Variants in PIK3AP1 observed in about 807,000 individuals in gnomAD.
PIK3AP1 encodes the protein phosphoinositide 3-kinase adapter protein 1.
In PIK3AP1, 21 loss-of-function variants were observed where a neutral mutation model predicts 88.1. The ratio of observed to expected loss-of-function variants is 0.24; its 90% CI spans 0.17 to 0.34. The LOEUF is 0.34. Among genes scored for constraint, PIK3AP1 ranks in the 10% least tolerant of loss-of-function variants. PIK3AP1 has a pLI of 1.00. For synonymous variants in PIK3AP1, 398 were observed against 400.0 expected, an observed-to-expected ratio of 1.00 and a Z score of 0.06; for missense variants, 828 against 1,035.7, an observed-to-expected ratio of 0.80 and a Z score of 2.75.
At chr10:96,702,474 G>T (rs1045882760) in intron 2 of PIK3AP1, among the ~76,000 whole-genome samples, 7 of 147,594 alleles carry the variant, frequency 4.7e-5, no homozygotes, top group Admixed American at 2.0e-4. Context: ...ACTCCAGCCT[G>T]ATGACAGAGC....
At position 96,680,753 on chromosome 10, in the gene PIK3AP1, A is replaced by G. The variant is rs142134877; in HGVS notation, c.431-23819T>C. 2.4e-3 allele frequency among the ~76,000 whole-genome samples: 372 copies of G among 152,298 alleles called. 1 individual carries two copies. Among genetic ancestry groups the G allele is most frequent in the African/African-American group, 8.6e-3 (359 of 41,560 alleles). ...AGTCTACGTCTTTGGTATTCATACT[A>G]TTGATTGCTTTTTAACAGGTAGTCA... On this transcript the variant is annotated intron_variant, in intron 2 of 16. Coordinates refer to ENST00000339364, the MANE Select transcript of PIK3AP1 (RefSeq NM_152309.3).
chr10:96,700,591 G>A (rs376923861), intron 2 of PIK3AP1, among the ~76,000 whole-genome samples: 2 of 152,124 alleles, frequency 1.3e-5, no homozygotes, highest in South Asian at 2.1e-4. Context: ...AAAAGAAAGC[G>A]TCCTTCAGCA....
chr10:96,637,013 A>G (rs936250672), intron 8 of PIK3AP1, among the ~76,000 whole-genome samples: 1 of 152,248 alleles, frequency 6.6e-6, no homozygotes, highest in African/African-American at 2.4e-5. Context: ...AAGTGAGTAT[A>G]TAACACAGTG....
chr10:96,601,473 C>CA (rs11407501), intron 16 of PIK3AP1, among the ~76,000 whole-genome samples: 13,277 of 75,434 alleles, frequency 0.18, 1,463 homozygotes, highest in African/African-American at 0.25. Context: ...GAATCTATCT[C>CA]AAAAAAAAAA....
At chr10:96,602,196 T>G in intron 16 of PIK3AP1, 84 bp downstream of exon 16, 1 of 1,157,198 alleles carries the variant, frequency 8.6e-7, no homozygotes, top group Non-Finnish European at 1.3e-6. Flanking sequence ...CGCTTATTCT[T>G]TAGTCATCTT....
intron 2 of PIK3AP1, among the ~76,000 whole-genome samples, chr10:96,675,275 A>G (rs751245975): frequency 1.8e-4 from 27 of 152,090 alleles, no homozygotes; most frequent in Non-Finnish European, 3.4e-4. Flanking sequence ...TCTGAGCCCA[A>G]ATGAATAAGA....
intron 2 of PIK3AP1, among the ~76,000 whole-genome samples, chr10:96,704,353 G>T (rs1435599045): frequency 1.3e-5 from 2 of 152,178 alleles, no homozygotes; most frequent in African/African-American, 4.8e-5. Flanking sequence ...CAGAAAGGTG[G>T]CTTAGACCCC....
rs564202283 is a variant in PIK3AP1, at chr10:96,626,983, G to C, written c.1472-78C>G. 2.4e-5 allele frequency: 33 copies of C among 1,379,074 alleles called. No individual in the cohort carries two copies. The African/African-American group carries it at 4.4e-4, about 18-fold the overall frequency. 85.4% of individuals were successfully genotyped at this position (1,379,074 alleles called of 1,614,324 possible). ...TCATCAGTCATAAAGCAGAGTGAGG[G>C]ACCTTACTTTGTTTCCTCAGTGCTG... On this transcript the variant is annotated intron_variant, in intron 9 of 16. Coordinates refer to ENST00000339364, the MANE Select transcript of PIK3AP1 (RefSeq NM_152309.3).
intron 11 of PIK3AP1, among the ~76,000 whole-genome samples, chr10:96,622,797 G>A (rs12571884): frequency 0.34 from 51,931 of 152,098 alleles, 9,638 homozygotes; most frequent in African/African-American, 0.49. Flanking sequence ...TTAATCAAGA[G>A]AAAAGAGCAC....
At chr10:96,660,969 G>A (rs1358609832) in intron 2 of PIK3AP1, among the ~76,000 whole-genome samples, 1 of 152,176 alleles carries the variant, frequency 6.6e-6, no homozygotes, top group Non-Finnish European at 1.5e-5. Flanking sequence ...TGGATCACCT[G>A]AGGTCAGGAG....
At chr10:96,613,385 T>C (rs1849160619) in intron 13 of PIK3AP1, among the ~76,000 whole-genome samples, 1 of 152,132 alleles carries the variant, frequency 6.6e-6, no homozygotes, top group Admixed American at 6.5e-5. Context: ...AAGGAGGCCC[T>C]TGGGGCTGTC....
At chr10:96,683,151 G>A (rs935365670) in intron 2 of PIK3AP1, among the ~76,000 whole-genome samples, 2 of 152,182 alleles carry the variant, frequency 1.3e-5, no homozygotes, top group Non-Finnish European at 2.9e-5. Flanking sequence ...TCTAAAGGAT[G>A]TCCGCATCAT....
chr10:96,607,290 T>C lies in PIK3AP1; in HGVS notation c.2170+2422A>G, dbSNP rs117861290. ...ACATAGATGTGAATTCCAGACCCCCTGCTTGCTTGCCAAGAGACTTGGGGC... is the reference window on the plus strand; with the variant it reads ...ACATAGATGTGAATTCCAGACCCCCCGCTTGCTTGCCAAGAGACTTGGGGC... On this transcript the variant is annotated intron_variant, in intron 14 of 16. Transcript: ENST00000339364. 1.7e-3 allele frequency among the ~76,000 whole-genome samples: 265 copies of C among 152,328 alleles called. 12 individuals carry two copies. In the East Asian group the frequency reaches 0.043, roughly 25 times the overall value.
intron 2 of PIK3AP1, among the ~76,000 whole-genome samples, chr10:96,691,614 A>G (rs1396499252): frequency 6.6e-6 from 1 of 152,218 alleles, no homozygotes; most frequent in African/African-American, 2.4e-5. Context: ...GGATTGTTTT[A>G]ACTCAGGATT....
intron 8 of PIK3AP1, among the ~76,000 whole-genome samples, chr10:96,645,233 C>T (rs933791320): frequency 1.1e-4 from 16 of 152,172 alleles, no homozygotes; most frequent in Non-Finnish European, 4.4e-5. Context: ...ATGAGTTCAT[C>T]AATTCTGACT....
At chr10:96,662,652 G>A (rs1391555261) in intron 2 of PIK3AP1, among the ~76,000 whole-genome samples, 2 of 150,444 alleles carry the variant, frequency 1.3e-5, no homozygotes, top group Admixed American at 1.3e-4. Flanking sequence ...AGGCCGAGGC[G>A]GGTGGATCAT....
intron 8 of PIK3AP1, among the ~76,000 whole-genome samples, chr10:96,628,877 T>C (rs12247587): frequency 9.6e-5 from 1 of 10,418 alleles, no homozygotes; most frequent in African/African-American, 1.6e-4. Context: ...TATATACACA[T>C]ATATATATAT....
At chr10:96,612,887 T>C (rs532229665) in intron 13 of PIK3AP1, among the ~76,000 whole-genome samples, 1 of 146,198 alleles carries the variant, frequency 6.8e-6, no homozygotes, top group East Asian at 2.0e-4. Flanking sequence ...GTTCTAGAAA[T>C]GCAAGTGGTA....
intron 8 of PIK3AP1, among the ~76,000 whole-genome samples, chr10:96,628,874 A>G (rs1318333675): frequency 8.7e-5 from 1 of 11,450 alleles, no homozygotes; most frequent in African/African-American, 1.2e-4. Context: ...ACATATATAC[A>G]CATATATATA....
Sources: gnomAD v4.1 joint callset for allele counts (sites outside exome capture counted in the v4.1 genomes callset) on GRCh38, gnomAD v4.1.1 for gene constraint, MANE v1.5 for transcripts, NCBI Gene and HGNC (gene_info 2026-07-23, HGNC 2026-07-21) for gene names.